Variants in INTS4 observed in about 807,000 individuals in gnomAD.
INTS4 encodes the protein integrator complex subunit 4.
Under a neutral mutation model 119.5 loss-of-function variants are expected in INTS4, and 70 were observed. That is an observed-to-expected ratio of 0.59 (90% CI 0.48 to 0.71). The LOEUF is 0.71. Among genes scored for constraint, INTS4 ranks in the 30% least tolerant of loss-of-function variants. The pLI, the probability that INTS4 is intolerant of heterozygous loss-of-function variation, is 0.00. For synonymous variants in INTS4, 316 were observed against 419.6 expected (o/e 0.75, Z 3.02); for missense variants, 867 against 1,173.2 (o/e 0.74, Z 3.81).
At chr11:77,883,248 G>C (rs577194346) in intron 22 of INTS4, among the ~76,000 whole-genome samples, 1 of 152,234 alleles carries the variant, frequency 6.6e-6, no homozygotes, top group Non-Finnish European at 1.5e-5. Flanking sequence ...AAACACCACT[G>C]AGGCCAATTC....
intron 15 of INTS4, chr11:77,911,284 C>A (rs1953084118): frequency 2.5e-5 from 10 of 407,408 alleles, no homozygotes; most frequent in Non-Finnish European, 3.6e-5. Context: ...GAACCCAGCA[C>A]AATGAAAGCC....
At chr11:77,913,197 C>G (rs1953126854) in intron 15 of INTS4, among the ~76,000 whole-genome samples, 1 of 152,154 alleles carries the variant, frequency 6.6e-6, no homozygotes, top group Admixed American at 6.5e-5. Context: ...AGACAATCCC[C>G]TTCAACCCTG....
chr11:77,910,993 A>G (rs1282501074), intron 15 of INTS4: 38 of 1,288,900 alleles, frequency 2.9e-5, no homozygotes, highest in Non-Finnish European at 3.8e-5. Flanking sequence ...TCACTTGGGA[A>G]GCTGTCTGTT....
chr11:77,939,029 CTAAT>C (rs1953866659), intron 9 of INTS4, among the ~76,000 whole-genome samples: 1 of 152,000 alleles, frequency 6.6e-6, no homozygotes, highest in Non-Finnish European at 1.5e-5. Context: ...CTGAAAGTAC[CTAAT>C]TAAAGAGGAT....
rs150365017 is a variant in INTS4 at position 77,974,655 on chromosome 11, T to C, written c.471+4341A>G. 4.0e-4 allele frequency among the ~76,000 whole-genome samples: 61 copies of C among 150,700 alleles called. 3 individuals carry two copies. In the East Asian group the frequency reaches 0.012, roughly 29 times the overall value. On this transcript the variant is annotated intron_variant, in intron 4 of 22. Transcript: ENST00000534064. ...TCTTGCTCTGCTACCCACGCTAGAG[T>C]GCAGTGGCACAATCACAGCTCCTTA...
At chr11:77,910,036 A>C (rs2511458) in intron 15 of INTS4, among the ~76,000 whole-genome samples, 1 of 151,132 alleles carries the variant, frequency 6.6e-6, no homozygotes, top group Non-Finnish European at 1.5e-5. Flanking sequence ...TCAGTGTGGC[A>C]ATTCCTCAGG....
chr11:77,981,190 C>CAAAAAA (rs35194381), intron 3 of INTS4, among the ~76,000 whole-genome samples: 2 of 88,860 alleles, frequency 2.3e-5, no homozygotes, highest in Non-Finnish European at 2.3e-5. Context: ...AACAAACAAG[C>CAAAAAA]AAAAAAAAAA....
rs757916379 is a variant in INTS4, at chr11:77,977,813, C to T, written c.471+1183G>A. ...AAGCAAACTTCACAGATATATATTTCCTCTCACAGGGGAGACGTACTTACT... is the reference window on the plus strand; with the variant it reads ...AAGCAAACTTCACAGATATATATTTTCTCTCACAGGGGAGACGTACTTACT... On this transcript the variant is annotated intron_variant, in intron 4 of 22. Transcript: ENST00000534064. 1.4e-4 allele frequency: 21 copies of T among 151,680 alleles called. 1 individual carries two copies. Among genetic ancestry groups the T allele is most frequent in the Non-Finnish European group, 2.8e-4 (19 of 67,924 alleles). 9.4% of individuals were successfully genotyped at this position (151,680 alleles called of 1,614,324 possible).
intron 2 of INTS4, among the ~76,000 whole-genome samples, chr11:77,982,195 G>T (rs1393119665): frequency 2.6e-5 from 4 of 151,036 alleles, no homozygotes; most frequent in Non-Finnish European, 5.9e-5. Flanking sequence ...GAGTGCAGTG[G>T]CGCCATCATG....
At chr11:77,874,834 C>T (rs1190050900), downstream of INTS4, among the ~76,000 whole-genome samples, 14 of 152,188 alleles carry the variant, frequency 9.2e-5, no homozygotes, top group Admixed American at 8.5e-4. Flanking sequence ...GTCAGCAGTT[C>T]GAGACCAGCC....
chr11:77,900,060 T>C (rs1210770102), intron 18 of INTS4, among the ~76,000 whole-genome samples: 4 of 151,970 alleles, frequency 2.6e-5, no homozygotes, highest in South Asian at 4.2e-4. Flanking sequence ...AACTGGCACA[T>C]AGTAGGGATT....
intron 4 of INTS4, among the ~76,000 whole-genome samples, chr11:77,977,643 C>T (rs886539480): frequency 2.5e-4 from 37 of 150,776 alleles, no homozygotes; most frequent in African/African-American, 3.9e-4. Context: ...AGTATCTTTC[C>T]GAATTTTCTA....
intron 2 of INTS4, among the ~76,000 whole-genome samples, chr11:77,988,568 A>G (rs1417113886): frequency 6.6e-6 from 1 of 152,202 alleles, no homozygotes; most frequent in Non-Finnish European, 1.5e-5. Context: ...GAAGGGGACT[A>G]GGAAGTGCGG....
At chr11:77,974,550 TC>T (rs1196173728) in intron 4 of INTS4, among the ~76,000 whole-genome samples, 1 of 142,552 alleles carries the variant, frequency 7.0e-6, no homozygotes, top group African/African-American at 2.6e-5. Flanking sequence ...CTATGATTTT[TC>T]ATAATATTAA....
At chr11:77,940,166 C>T (rs1040391815) in intron 9 of INTS4, among the ~76,000 whole-genome samples, 4 of 152,138 alleles carry the variant, frequency 2.6e-5, no homozygotes, top group African/African-American at 9.7e-5. Context: ...CAATGGCTCA[C>T]ATCTGTAATC....
chr11:77,956,710 AAATAATAATAATAATAATAATAAT>A (rs199933134), intron 7 of INTS4, among the ~76,000 whole-genome samples: 1 of 97,710 alleles, frequency 1.0e-5, no homozygotes, highest in African/African-American at 3.9e-5. Context: ...CCATCTCAAA[AAATAATAATAATAATAATAATAAT>A]AATAATAATA....
Position 77,941,325 on chromosome 11 carries a change from T to C in INTS4, c.919-74A>G, listed in dbSNP as rs1224566174. On this transcript the variant is annotated intron_variant, in intron 8 of 22. Transcript: ENST00000534064. ...ACATTATCTTAAAATTCAGAGTCTA[T>C]AGACAATTTAAGTGCATAAAGATAA... is the stretch of plus-strand genomic sequence containing the variant. 9 of 1,550,736 alleles carry C rather than the reference T, an allele frequency of 5.8e-6. No homozygotes were observed. In the South Asian group the frequency reaches 6.1e-5, roughly 11 times the overall value.
At chr11:77,983,720 C>T (rs552719192) in intron 2 of INTS4, among the ~76,000 whole-genome samples, 1 of 152,216 alleles carries the variant, frequency 6.6e-6, no homozygotes, top group South Asian at 2.1e-4. Flanking sequence ...TCTTTGTGAC[C>T]TGCTGGTGGG....
intron 4 of INTS4, among the ~76,000 whole-genome samples, chr11:77,974,602 C>CTT (rs34323538): frequency 3.6e-5 from 5 of 137,152 alleles, no homozygotes; most frequent in Admixed American, 7.4e-5. Flanking sequence ...GTAATCATGT[C>CTT]TTTTTTTTTT....
Sources: allele counts gnomAD v4.1 joint callset (sites outside exome capture counted in the v4.1 genomes callset), GRCh38; gene constraint gnomAD v4.1.1; transcripts MANE v1.5; gene names NCBI Gene and HGNC (gene_info 2026-07-23, HGNC 2026-07-21).